Variants in DOCK8 observed in about 807,000 individuals in gnomAD.
DOCK8 encodes the protein dedicator of cytokinesis 8.
In DOCK8, 141 loss-of-function variants were observed where a neutral mutation model predicts 245.6. That is an observed-to-expected ratio of 0.57 (90% CI 0.50 to 0.66). The LOEUF is 0.66. Ranked by LOEUF, DOCK8 falls within the 30% of genes least tolerant of loss-of-function variation. The pLI, the probability that DOCK8 is intolerant of heterozygous loss-of-function variation, is 0.00. For missense variants in DOCK8, 2,965 were observed against 2,603.4 expected (o/e 1.14, Z -3.02); for synonymous variants, 1,168 against 970.2 (o/e 1.20, Z -3.79).
At chr9:348,044 C>T (rs1402423619) in intron 14 of DOCK8, among the ~76,000 whole-genome samples, 1 of 152,134 alleles carries the variant, frequency 6.6e-6, no homozygotes, top group Non-Finnish European at 1.5e-5. Context: ...CAGCATCCTC[C>T]GAGATCACTG....
At chr9:238,936 G>A (rs932379268) in intron 1 of DOCK8, among the ~76,000 whole-genome samples, 1 of 146,814 alleles carries the variant, frequency 6.8e-6, no homozygotes, top group Non-Finnish European at 1.5e-5. Flanking sequence ...TCCTATCACA[G>A]CTTGCACTCA....
chr9:236,058 T>C (rs1425924125), intron 1 of DOCK8, among the ~76,000 whole-genome samples: 1 of 152,162 alleles, frequency 6.6e-6, no homozygotes, highest in African/African-American at 2.4e-5. Flanking sequence ...CCCTTATTTA[T>C]TTTTTTCTTA....
At chr9:432,451 A>G in intron 37 of DOCK8, 127 bp downstream of exon 37, 2 of 920,468 alleles carry the variant, frequency 2.2e-6, no homozygotes, top group East Asian at 2.7e-5. Flanking sequence ...TTTATTGTCC[A>G]ATATGCATGT....
rs376140410 is a variant in DOCK8, at chr9:377,122, G to T, written c.2351G>T (p.Arg784Leu). 1 of 1,610,112 alleles carries T rather than the reference G, an allele frequency of 6.2e-7. No individual in the cohort carries two copies. ...KLSIICLNSS[R>L]LEPLVLFLHL... ...AGCATCATCTGCCTGAACTCCTCCC[G>T]CCTGGAGCCGCTCGTGCTCTTCCTG... Residue 784 changes from arginine to leucine, a missense_variant, in exon 20 of 48, where the codon CGC becomes CTC. Arg to Leu is a moderately radical substitution (Grantham distance 102). Transcript: ENST00000432829.
Position 271,648 on chromosome 9 carries a change from G to T in DOCK8, c.75G>T (p.Arg25Ser). 6.4e-7 allele frequency: 1 copy of T among 1,550,894 alleles called. No individual in the cohort carries two copies. The change falls in exon 2 of 48, where the codon AGG becomes AGT. Residue 25 changes from arginine to serine, a missense_variant. By Grantham distance (110) the Arg-to-Ser change is moderately radical. Coordinates refer to ENST00000432829, the MANE Select transcript of DOCK8 (RefSeq NM_203447.4). ...KINRYSSAEI[R>S]KQFTLPPNLG... is the part of the protein sequence containing the mutation. ...CAAGGTATTCTTCAGCGGAAATAAG[G>T]AAACAGTTTACTCTCCCACCAAACC...
chr9:352,855 C>T (rs73378680), intron 14 of DOCK8, among the ~76,000 whole-genome samples: 7,388 of 152,224 alleles, frequency 0.049, 208 homozygotes, highest in Admixed American at 0.08. Context: ...ACTTGTCACA[C>T]TGGTATGAGT....
At chr9:379,079 A>C (rs2053632501) in intron 20 of DOCK8, among the ~76,000 whole-genome samples, 1 of 152,192 alleles carries the variant, frequency 6.6e-6, no homozygotes. Context: ...GCAAAGTCTC[A>C]GAGGTAAGAG....
In DOCK8 at chr9:251,921, G is replaced by A. The variant is rs201838364; in HGVS notation, c.54-19706G>A. On this transcript the variant is annotated intron_variant, in intron 1 of 47. Coordinates refer to ENST00000432829, the MANE Select transcript of DOCK8 (RefSeq NM_203447.4). ...GTACACCAAAAAGTAAGAAGAATGG[G>A]AAACTACTTAACCAGCACATGGGGT... Among the ~76,000 whole-genome samples the A allele has an allele frequency of 2.6e-5, 4 of 151,750 alleles. No homozygotes were observed. In the East Asian group the frequency reaches 7.7e-4, roughly 29 times the overall value.
In DOCK8 at chr9:439,133, G is replaced by A. The variant is rs377390794; in HGVS notation, c.5080-112G>A. ...GAATTACAGACCTAGTTTAGTCACGGTCTTGGTAAGGATCTGCACACCAGC... is the reference window on the plus strand; with the variant it reads ...GAATTACAGACCTAGTTTAGTCACGATCTTGGTAAGGATCTGCACACCAGC... On this transcript the variant is annotated intron_variant, in intron 39 of 47. Coordinates refer to ENST00000432829, the MANE Select transcript of DOCK8 (RefSeq NM_203447.4). 7.2e-5 allele frequency: 99 copies of A among 1,381,574 alleles called. No homozygotes were observed. The South Asian group carries it at 1.1e-3, about 15-fold the overall frequency. 85.6% of individuals were successfully genotyped at this position (1,381,574 alleles called of 1,614,324 possible).
intron 1 of DOCK8, among the ~76,000 whole-genome samples, chr9:262,211 AATGGCT>A (rs2047934896): frequency 6.6e-6 from 1 of 152,086 alleles, no homozygotes; most frequent in African/African-American, 2.4e-5. Context: ...TGTCTAGTAT[AATGGCT>A]AAAATGAAAA....
chr9:370,477 C>G (rs189497094), intron 16 of DOCK8, among the ~76,000 whole-genome samples, 177 bp downstream of exon 16: 6 of 152,296 alleles, frequency 3.9e-5, no homozygotes, highest in African/African-American at 1.4e-4. Flanking sequence ...TGCCATTAAC[C>G]AAGACTGAGA....
chr9:233,175 A>C (rs574930026), intron 1 of DOCK8, among the ~76,000 whole-genome samples: 1 of 152,252 alleles, frequency 6.6e-6, no homozygotes. Context: ...ATTCAGGAGC[A>C]GGTTGTTCAG....
At chr9:292,387 CAAAAAAAAAAAAAAAA>C (rs5895837) in intron 4 of DOCK8, among the ~76,000 whole-genome samples, 1 of 63,070 alleles carries the variant, frequency 1.6e-5, no homozygotes, top group Non-Finnish European at 2.6e-5. Context: ...AACTCCGTCT[CAAAAAAAAAAAAAAAA>C]AAAAAAAAAA....
chr9:411,484 G>T (rs1564030515), intron 28 of DOCK8, among the ~76,000 whole-genome samples: 1 of 151,874 alleles, frequency 6.6e-6, no homozygotes, highest in Non-Finnish European at 1.5e-5. Flanking sequence ...AACCTGGGGG[G>T]CTTTACTGAT....
At chr9:265,472 G>T (rs1360176540) in intron 1 of DOCK8, among the ~76,000 whole-genome samples, 3 of 152,238 alleles carry the variant, frequency 2.0e-5, no homozygotes, top group African/African-American at 7.2e-5. Flanking sequence ...TGTATTTTTG[G>T]AGTGTTTTAC....
intron 1 of DOCK8, among the ~76,000 whole-genome samples, chr9:255,410 G>T (rs1394537617): frequency 6.6e-6 from 1 of 152,140 alleles, no homozygotes; most frequent in Non-Finnish European, 1.5e-5. Flanking sequence ...GCTCATGCCT[G>T]TAATCCCAGC....
In DOCK8 at chr9:327,605, C is replaced by T. The variant is rs146462235; in HGVS notation, c.895-417C>T. Reference sequence around the variant, plus strand: ...AGAGGCAGGGTTTCACCATGTTGCCCAGGCTGGTTTCAAACTCGTGAGCTC... The same window carrying T: ...AGAGGCAGGGTTTCACCATGTTGCCTAGGCTGGTTTCAAACTCGTGAGCTC... On this transcript the variant is annotated intron_variant, in intron 8 of 47. Coordinates refer to ENST00000432829, the MANE Select transcript of DOCK8 (RefSeq NM_203447.4). Among the ~76,000 whole-genome samples the T allele has an allele frequency of 3.2e-3, 489 of 152,220 alleles. 4 individuals are homozygous for T. The highest frequency in any genetic ancestry group is 0.011 in the African/African-American group (472 of 41,512).
intron 36 of DOCK8, among the ~76,000 whole-genome samples, chr9:430,724 A>G (rs999046617): frequency 1.3e-5 from 2 of 152,090 alleles, no homozygotes; most frequent in Non-Finnish European, 2.9e-5. Flanking sequence ...AAAAGTTATC[A>G]TCTGTGGGGG....
Position 405,081 on chromosome 9 carries a change from A to C in DOCK8, c.3390+8A>C. 6.2e-7 allele frequency: 1 copy of C among 1,610,460 alleles called. No homozygotes were observed. Among genetic ancestry groups the C allele is most frequent in the South Asian group, 1.1e-5 (1 of 90,984 alleles). On this transcript the variant is annotated splice_region_variant and intron_variant, in intron 27 of 47. Coordinates refer to ENST00000432829, the MANE Select transcript of DOCK8 (RefSeq NM_203447.4). ...CCTTCCATATCTTCCCAGGTAATAAAAGAATTATTTAACTAAAAGAATTAT... is the reference window on the plus strand; with the variant it reads ...CCTTCCATATCTTCCCAGGTAATAACAGAATTATTTAACTAAAAGAATTAT...
Sources: gnomAD v4.1 joint callset for allele counts (sites outside exome capture counted in the v4.1 genomes callset) on GRCh38, gnomAD v4.1.1 for gene constraint, MANE v1.5 for transcripts, NCBI Gene and HGNC (gene_info 2026-07-23, HGNC 2026-07-21) for gene names.